The following CHCHD3 variants were observed in gnomAD, a reference collection of about 807,000 sequenced individuals.
CHCHD3 encodes the protein coiled-coil-helix-coiled-coil-helix domain containing 3, also known as MICOS complex subunit MIC19.
A neutral mutation model predicts 38.2 loss-of-function variants in CHCHD3; 20 were observed. The observed-to-expected ratio is 0.52, with a 90% CI of 0.37 to 0.76. The LOEUF is 0.76. Among genes scored for constraint, CHCHD3 ranks in the 30% least tolerant of loss-of-function variants. CHCHD3 has a pLI of 0.00. For synonymous variants in CHCHD3, 82 were observed against 100.0 expected, an observed-to-expected ratio of 0.82 and a Z score of 1.07; for missense variants, 245 against 279.2, an observed-to-expected ratio of 0.88 and a Z score of 0.87.
intron 5 of CHCHD3, among the ~76,000 whole-genome samples, chr7:132,839,890 T>C (rs1010336419): frequency 2.0e-5 from 3 of 152,252 alleles, no homozygotes; most frequent in Non-Finnish European, 2.9e-5. Context: ...TTATTTGGGC[T>C]ACGATTTATC....
rs193097989 is a variant in CHCHD3 at position 132,960,676 on chromosome 7, C to T, written c.369+14493G>A. 1.9e-3 allele frequency among the ~76,000 whole-genome samples: 286 copies of T among 152,204 alleles called. 1 individual carries two copies. Among genetic ancestry groups the T allele is most frequent in the African/African-American group, 6.4e-3 (264 of 41,554 alleles). ...AGCAAAACAGAAGATCTAATGGTCA[C>T]ATTAAAAATTAACAAATGGGGCCAG... On this transcript the variant is annotated intron_variant, in intron 4 of 7. Coordinates refer to ENST00000262570, the MANE Select transcript of CHCHD3 (RefSeq NM_017812.4).
At chr7:132,946,112 T>G (rs1274283518) in intron 4 of CHCHD3, among the ~76,000 whole-genome samples, 1 of 151,908 alleles carries the variant, frequency 6.6e-6, no homozygotes, top group Non-Finnish European at 1.5e-5. Context: ...TGATAAGATA[T>G]TCTCACGTAA....
intron 3 of CHCHD3, among the ~76,000 whole-genome samples, chr7:132,998,700 A>G (rs1812488600): frequency 6.6e-6 from 1 of 152,230 alleles, no homozygotes; most frequent in East Asian, 1.9e-4. Flanking sequence ...TTAAAAATGC[A>G]TGAAACTGTA....
intron 2 of CHCHD3, among the ~76,000 whole-genome samples, chr7:133,048,253 A>G (rs1814054329): frequency 6.6e-6 from 1 of 152,214 alleles, no homozygotes; most frequent in Admixed American, 6.5e-5. Context: ...ATCTGCTTAT[A>G]TCTGCTAGTA....
chr7:132,803,354 G>A (rs536426053), intron 6 of CHCHD3, among the ~76,000 whole-genome samples: 4 of 152,044 alleles, frequency 2.6e-5, no homozygotes, highest in South Asian at 4.2e-4. Context: ...GAAAAGCATC[G>A]TTATTATTAC....
intron 3 of CHCHD3, among the ~76,000 whole-genome samples, chr7:132,985,091 T>C (rs1359896230): frequency 1.2e-3 from 53 of 44,320 alleles, no homozygotes; most frequent in Admixed American, 1.6e-3. Flanking sequence ...TAGCCCCCCG[T>C]CCGGCCAGCC....
At chr7:132,897,594 T>C (rs1256845169) in intron 4 of CHCHD3, among the ~76,000 whole-genome samples, 1 of 152,224 alleles carries the variant, frequency 6.6e-6, no homozygotes, top group Non-Finnish European at 1.5e-5. Context: ...GACAGCAGTG[T>C]ACTTCCCATT....
rs74832819 is a variant in CHCHD3, at chr7:132,983,454, G to C, written c.252-8168C>G. On this transcript the variant is annotated intron_variant, in intron 3 of 7. Transcript: ENST00000262570. ...TCATAACTGCATAAAATTAACTATA[G>C]TACATACTGTATTGCTATAATTCAG... Among the ~76,000 whole-genome samples, 1,304 of 152,330 alleles carry C rather than the reference G, an allele frequency of 8.6e-3. 24 individuals carry two copies. The highest frequency in any genetic ancestry group is 0.03 in the African/African-American group (1,245 of 41,568).
intron 1 of CHCHD3, among the ~76,000 whole-genome samples, chr7:133,081,575 G>A (rs1421614460): frequency 1.3e-5 from 2 of 152,180 alleles, no homozygotes; most frequent in African/African-American, 4.8e-5. Context: ...CAACAAGGGA[G>A]CAGTACAGTT....
At chr7:132,980,089 C>G (rs1811879493) in intron 3 of CHCHD3, among the ~76,000 whole-genome samples, 1 of 152,188 alleles carries the variant, frequency 6.6e-6, no homozygotes, top group African/African-American at 2.4e-5. Flanking sequence ...AGCTGTCAAC[C>G]AATTTTTCTC....
chr7:132,884,894 T>C (rs1809165137), intron 5 of CHCHD3, among the ~76,000 whole-genome samples: 2 of 152,212 alleles, frequency 1.3e-5, no homozygotes. Context: ...AGCTCCTATC[T>C]ACCTCTCCTG....
At chr7:133,071,700 CAT>C (rs1348487477) in intron 1 of CHCHD3, among the ~76,000 whole-genome samples, 7 of 152,302 alleles carry the variant, frequency 4.6e-5, no homozygotes, top group South Asian at 2.1e-4. Context: ...GAAACAAACA[CAT>C]GTCTATCTAC....
At position 133,079,787 on chromosome 7, in the gene CHCHD3, A is replaced by T. The variant is rs538829063; in HGVS notation, c.81+2070T>A. ...CACAGGCAATCAGGTTAAGTAATAA[A>T]TATCTAACCTGAGATTTAAACTGAG... On this transcript the variant is annotated intron_variant, in intron 1 of 7. Coordinates refer to ENST00000262570, the MANE Select transcript of CHCHD3 (RefSeq NM_017812.4). Among the ~76,000 whole-genome samples, 98 of 152,368 alleles carry T rather than the reference A, an allele frequency of 6.4e-4. 1 individual carries two copies. The South Asian group carries it at 0.019, about 30-fold the overall frequency.
At chr7:132,967,662 TAAATA>T (rs539264762) in intron 4 of CHCHD3, among the ~76,000 whole-genome samples, 1 of 136,304 alleles carries the variant, frequency 7.3e-6, no homozygotes, top group Non-Finnish European at 1.6e-5. Context: ...AATAAATAAA[TAAATA>T]AAATAAAACA....
At chr7:133,033,710 T>C (rs1813568244) in intron 2 of CHCHD3, among the ~76,000 whole-genome samples, 1 of 152,158 alleles carries the variant, frequency 6.6e-6, no homozygotes, top group Non-Finnish European at 1.5e-5. Context: ...ATCTCTGCCT[T>C]AAGGTGCCCA....
At chr7:132,986,424 G>GAAAAAAAAAAAAA (rs59151340) in intron 3 of CHCHD3, among the ~76,000 whole-genome samples, 26 of 131,226 alleles carry the variant, frequency 2.0e-4, no homozygotes, top group East Asian at 4.4e-4. Flanking sequence ...AAAGAAAAAA[G>GAAAAAAAAAAAAA]AAAAAAAAAA....
chr7:132,948,198 T>G (rs532729569), intron 4 of CHCHD3, among the ~76,000 whole-genome samples: 49 of 152,136 alleles, frequency 3.2e-4, no homozygotes, highest in Non-Finnish European at 5.3e-4. Flanking sequence ...TCACTCCCCA[T>G]CTCTAACTCA....
intron 5 of CHCHD3, among the ~76,000 whole-genome samples, chr7:132,841,643 C>T (rs1002832887): frequency 6.6e-5 from 10 of 152,238 alleles, no homozygotes; most frequent in African/African-American, 2.4e-4. Flanking sequence ...ATAGTAAACA[C>T]CAAGTTCCAC....
intron 3 of CHCHD3, among the ~76,000 whole-genome samples, chr7:133,015,594 T>C (rs1269099375): frequency 1.3e-5 from 2 of 152,140 alleles, no homozygotes; most frequent in Admixed American, 6.5e-5. Context: ...TCCAAGTAAC[T>C]GTTTGATACT....
Sources: gnomAD v4.1 joint callset for allele counts (sites outside exome capture counted in the v4.1 genomes callset) on GRCh38, gnomAD v4.1.1 for gene constraint, MANE v1.5 for transcripts, NCBI Gene and HGNC (gene_info 2026-07-23, HGNC 2026-07-21) for gene names.